The following PEBP4 variants were observed in gnomAD, a reference collection of about 807,000 sequenced individuals.
The protein encoded by PEBP4 is phosphatidylethanolamine-binding protein 4.
PEBP4 carries 22 observed loss-of-function variants against 23.9 expected under a neutral mutation model. The observed-to-expected ratio is 0.92, with a 90% CI of 0.66 to 1.31. The LOEUF is 1.31. Among genes scored for constraint, PEBP4 ranks in the 40% most tolerant of loss-of-function variants. The pLI is 0.00. For missense variants in PEBP4, 324 were observed against 281.7 expected, an observed-to-expected ratio of 1.15 and a Z score of -1.07; for synonymous variants, 112 against 99.3, an observed-to-expected ratio of 1.13 and a Z score of -0.76.
chr8:22,851,212 A>T (rs1807542124), intron 3 of PEBP4, among the ~76,000 whole-genome samples: 1 of 151,926 alleles, frequency 6.6e-6, no homozygotes, highest in African/African-American at 2.4e-5. Flanking sequence ...AACATGCAGG[A>T]CTCCACGGAG....
chr8:22,870,422 G>T (rs1168621346), intron 3 of PEBP4, among the ~76,000 whole-genome samples: 1 of 152,174 alleles, frequency 6.6e-6, no homozygotes, highest in Admixed American at 6.5e-5. Flanking sequence ...CAGTCGCCAG[G>T]GGTCAAGAGT....
At chr8:22,879,965 T>C (rs570306619) in intron 3 of PEBP4, among the ~76,000 whole-genome samples, 1 of 152,344 alleles carries the variant, frequency 6.6e-6, no homozygotes, top group Non-Finnish European at 1.5e-5. Flanking sequence ...CCATTTTTGT[T>C]GTGGCGGTTG....
intron 4 of PEBP4, among the ~76,000 whole-genome samples, chr8:22,777,638 G>A (rs546374690): frequency 6.6e-4 from 100 of 152,278 alleles, no homozygotes; most frequent in South Asian, 2.3e-3. Flanking sequence ...CGCCCTGCAC[G>A]GCACTCCTGT....
chr8:22,924,719 G>A (rs1379826137), intron 2 of PEBP4: 1 of 985,260 alleles, frequency 1.0e-6, no homozygotes, highest in African/African-American at 1.7e-5. Flanking sequence ...AGCAGGTGGG[G>A]TTTTTTGAGT....
intron 3 of PEBP4, among the ~76,000 whole-genome samples, chr8:22,898,598 T>C (rs1010326350): frequency 2.0e-5 from 3 of 152,004 alleles, no homozygotes; most frequent in Non-Finnish European, 2.9e-5. Context: ...AAGATAACCA[T>C]AGACATTCAT....
intron 4 of PEBP4, among the ~76,000 whole-genome samples, chr8:22,781,107 GC>G (rs1805905998): frequency 6.6e-6 from 1 of 152,240 alleles, no homozygotes; most frequent in South Asian, 2.1e-4. Context: ...ATGACCCTTT[GC>G]CCCCTGCTGG....
chr8:22,923,866 G>C (rs1440336832), intron 2 of PEBP4, among the ~76,000 whole-genome samples: 1 of 152,158 alleles, frequency 6.6e-6, no homozygotes, highest in Non-Finnish European at 1.5e-5. Flanking sequence ...ACCGCACACT[G>C]AATCCACTAG....
intron 4 of PEBP4, among the ~76,000 whole-genome samples, chr8:22,762,400 C>A (rs1178360337): frequency 6.6e-6 from 1 of 152,180 alleles, no homozygotes; most frequent in African/African-American, 2.4e-5. Context: ...AAAGAGCATT[C>A]CTTCAAAATG....
chr8:22,880,573 T>A (rs1248522565), intron 3 of PEBP4: 2 of 152,276 alleles, frequency 1.3e-5, no homozygotes, highest in African/African-American at 4.8e-5. Flanking sequence ...CGGATCTCCA[T>A]CCCTTCACTG....
chr8:22,788,831 G>A (rs893445774), intron 4 of PEBP4, among the ~76,000 whole-genome samples: 2 of 152,172 alleles, frequency 1.3e-5, no homozygotes, highest in Non-Finnish European at 2.9e-5. Context: ...ATGAAGAGTT[G>A]TGTATTCACA....
intron 4 of PEBP4, among the ~76,000 whole-genome samples, chr8:22,773,076 A>G (rs1265459642): frequency 2.7e-5 from 4 of 145,632 alleles, no homozygotes; most frequent in Non-Finnish European, 6.0e-5. Flanking sequence ...TCTGATAATT[A>G]CTTCTATCTA....
At chr8:22,834,762 C>T (rs991064856) in intron 3 of PEBP4, among the ~76,000 whole-genome samples, 1 of 152,304 alleles carries the variant, frequency 6.6e-6, no homozygotes, top group South Asian at 2.1e-4. Context: ...TTCCTTCTTC[C>T]TGCCTGGAAT....
chr8:22,893,982 A>G (rs967319853), intron 3 of PEBP4, among the ~76,000 whole-genome samples: 1 of 152,224 alleles, frequency 6.6e-6, no homozygotes, highest in Admixed American at 6.5e-5. Flanking sequence ...AGCACAAGAC[A>G]CATGAGAAAA....
At chr8:22,795,234 G>A (rs1319825213) in intron 4 of PEBP4, among the ~76,000 whole-genome samples, 4 of 132,756 alleles carry the variant, frequency 3.0e-5, no homozygotes, top group South Asian at 2.4e-4. Context: ...GGAGTGCAGT[G>A]GCGTGATCTT....
chr8:22,805,888 G>A (rs1806485162), intron 4 of PEBP4, among the ~76,000 whole-genome samples: 2 of 152,032 alleles, frequency 1.3e-5, no homozygotes, highest in South Asian at 4.2e-4. Context: ...CTGAATGAAT[G>A]AATGAATGAA....
intron 4 of PEBP4, among the ~76,000 whole-genome samples, chr8:22,786,690 G>A (rs1306299293): frequency 6.6e-6 from 1 of 152,150 alleles, no homozygotes; most frequent in African/African-American, 2.4e-5. Flanking sequence ...CAGTCCTAAC[G>A]TCATCAAATC....
At chr8:22,862,634 A>AACTGGGC (rs1463569785) in intron 3 of PEBP4, among the ~76,000 whole-genome samples, 1 of 152,112 alleles carries the variant, frequency 6.6e-6, no homozygotes, top group African/African-American at 2.4e-5. Context: ...CTTAAACACA[A>AACTGGGC]ACTCTTTTAA....
chr8:22,753,869 G>A (rs1478203707), intron 4 of PEBP4, among the ~76,000 whole-genome samples: 1 of 152,252 alleles, frequency 6.6e-6, no homozygotes, highest in Non-Finnish European at 1.5e-5. Flanking sequence ...CTGGACAGCT[G>A]TGCGGGGAAC....
chr8:22,854,984 A>G, intron 3 of PEBP4, among the ~76,000 whole-genome samples: 1 of 133,476 alleles, frequency 7.5e-6, no homozygotes, highest in African/African-American at 2.8e-5. Flanking sequence ...ATGAGTGTGT[A>G]TGTGTGAGTA....
Sources: gnomAD v4.1 joint callset for allele counts (sites outside exome capture counted in the v4.1 genomes callset) on GRCh38, gnomAD v4.1.1 for gene constraint, MANE v1.5 for transcripts, NCBI Gene and HGNC (gene_info 2026-07-23, HGNC 2026-07-21) for gene names.